Variants in NFXL1 observed in about 807,000 individuals in gnomAD.
NFXL1 encodes the protein nuclear transcription factor, X-box binding like 1, also known as NF-X1-type zinc finger protein NFXL1.
NFXL1 carries 66 observed loss-of-function variants against 123.3 expected under a neutral mutation model. The ratio of observed to expected loss-of-function variants is 0.54; its 90% CI spans 0.44 to 0.66. The LOEUF is 0.66. Among genes scored for constraint, NFXL1 ranks in the 30% least tolerant of loss-of-function variants. The pLI is 0.00. For synonymous variants in NFXL1, 346 were observed against 360.8 expected (o/e 0.96, Z 0.46); for missense variants, 944 against 1,125.6 (o/e 0.84, Z 2.31).
At chr4:47,858,174 T>C (rs1321327395) in intron 19 of NFXL1, among the ~76,000 whole-genome samples, 1 of 151,968 alleles carries the variant, frequency 6.6e-6, no homozygotes, top group Non-Finnish European at 1.5e-5. Flanking sequence ...AAAACCACAA[T>C]GAGATGCAAA....
intron 18 of NFXL1, among the ~76,000 whole-genome samples, chr4:47,873,641 TTTG>T (rs530293178): frequency 1.5e-3 from 223 of 152,350 alleles, no homozygotes; most frequent in African/African-American, 5.1e-3. Flanking sequence ...TCATCCAGGC[TTTG>T]TTGTTCCATT....
intron 12 of NFXL1, among the ~76,000 whole-genome samples, chr4:47,889,727 G>A (rs1736654564): frequency 6.6e-6 from 1 of 152,142 alleles, no homozygotes; most frequent in African/African-American, 2.4e-5. Context: ...CCAAATGAGT[G>A]AAGTTAACTC....
Position 47,914,504 on chromosome 4 carries a change from C to A in NFXL1, c.-142G>T. Reference sequence around the variant, plus strand: ...GCCGGAGGAGAAGTCGAAACCGCCTCCTCAGCCTCTGCGGGAGCGTGGTAG... The same window carrying A: ...GCCGGAGGAGAAGTCGAAACCGCCTACTCAGCCTCTGCGGGAGCGTGGTAG... On this transcript the variant is annotated 5_prime_UTR_variant, in exon 1 of 23. Coordinates refer to ENST00000507489, the MANE Select transcript of NFXL1 (RefSeq NM_001278624.2). 2.9e-6 allele frequency: 1 copy of A among 339,248 alleles called. No individual in the cohort carries two copies. The highest frequency in any genetic ancestry group is 5.4e-6 in the Non-Finnish European group (1 of 185,092). The allele number at this position is 339,248 out of a possible 1,614,324, so 21.0% of individuals were successfully genotyped here. A position where few individuals can be genotyped will look rare whatever the true frequency, so the allele number is the denominator to read the frequency against.
At chr4:47,885,357 A>G (rs1159310913) in intron 14 of NFXL1, 141 bp downstream of exon 14, 1 of 629,644 alleles carries the variant, frequency 1.6e-6, no homozygotes, top group Non-Finnish European at 2.7e-6. Context: ...AACAAAATCA[A>G]GTCTTGATTA....
At chr4:47,912,836 A>C (rs1737905318) in intron 2 of NFXL1, among the ~76,000 whole-genome samples, 1 of 149,786 alleles carries the variant, frequency 6.7e-6, no homozygotes, top group Admixed American at 6.6e-5. Context: ...TACTAAAAAA[A>C]AAAAACCAAA....
chr4:47,911,919 G>A (rs1737846668), intron 2 of NFXL1, among the ~76,000 whole-genome samples: 1 of 152,158 alleles, frequency 6.6e-6, no homozygotes, highest in Admixed American at 6.5e-5. Context: ...CTGAGTTCAT[G>A]AATTCCCATC....
At chr4:47,891,087 A>C (rs1736736428) in intron 11 of NFXL1, among the ~76,000 whole-genome samples, 1 of 151,552 alleles carries the variant, frequency 6.6e-6, no homozygotes, top group South Asian at 2.1e-4. Context: ...TTCATTTGGC[A>C]GTTATTTATT....
At chr4:47,864,609 T>G (rs144187889) in intron 18 of NFXL1, among the ~76,000 whole-genome samples, 1 of 152,212 alleles carries the variant, frequency 6.6e-6, no homozygotes, top group African/African-American at 2.4e-5. Context: ...CAGTCACACT[T>G]CTACATGAGT....
At chr4:47,857,877 C>G (rs903939202) in intron 19 of NFXL1, among the ~76,000 whole-genome samples, 2 of 152,146 alleles carry the variant, frequency 1.3e-5, no homozygotes, top group African/African-American at 4.8e-5. Flanking sequence ...CTGTAAAGCC[C>G]CCTTAGGATG....
intron 15 of NFXL1, among the ~76,000 whole-genome samples, chr4:47,881,115 A>T (rs2110074431): frequency 6.6e-6 from 1 of 152,174 alleles, no homozygotes; most frequent in South Asian, 2.1e-4. Context: ...ATGGATATCT[A>T]TAGATATAGA....
intron 5 of NFXL1, among the ~76,000 whole-genome samples, chr4:47,901,458 G>A (rs1031441485): frequency 6.6e-6 from 1 of 152,052 alleles, no homozygotes; most frequent in Non-Finnish European, 1.5e-5. Flanking sequence ...TGAGAAGAGC[G>A]AGGGTAAAAA....
At position 47,914,578 on chromosome 4, in the gene NFXL1, A is replaced by C. The variant is rs562097187; in HGVS notation, c.-216T>G. On this transcript the variant is annotated 5_prime_UTR_variant, in exon 1 of 23. Transcript: ENST00000507489. The stretch of plus-strand genomic sequence containing the variant: ...GCGTCTCCCGCCGGGAACCAACTGC[A>C]GTGGTACACCCCACGGAAAGCTACG... 4.9e-6 allele frequency: 1 copy of C among 204,092 alleles called. No individual in the cohort carries two copies. Among genetic ancestry groups the C allele is most frequent in the Admixed American group, 5.9e-5 (1 of 17,084 alleles). 12.6% of individuals were successfully genotyped at this position (204,092 alleles called of 1,614,324 possible). A position where few individuals can be genotyped will look rare whatever the true frequency, so the allele number is the denominator to read the frequency against.
chr4:47,861,283 A>G lies in NFXL1; in HGVS notation c.2316+1563T>C, dbSNP rs149283416. 1.7e-4 allele frequency among the ~76,000 whole-genome samples: 26 copies of G among 152,350 alleles called. No individual in the cohort carries two copies. In the East Asian group the frequency reaches 3.1e-3, roughly 18 times the overall value. On this transcript the variant is annotated intron_variant, in intron 19 of 22. Transcript: ENST00000507489. ...ACGAAAATGAGTTCTACTAGACACA[A>G]TGAAATTCACCTGTCTACTCTTAGA... is the stretch of plus-strand genomic sequence containing the variant.
chr4:47,872,240 G>A (rs1465427283), intron 18 of NFXL1, among the ~76,000 whole-genome samples: 1 of 152,124 alleles, frequency 6.6e-6, no homozygotes, highest in Non-Finnish European at 1.5e-5. Context: ...AAGGTGGGTG[G>A]ATCACGAGGT....
At position 47,914,028 on chromosome 4, in the gene NFXL1, G is replaced by A; in HGVS notation, c.176C>T (p.Ala59Val). 2 of 1,548,880 alleles carry A rather than the reference G, an allele frequency of 1.3e-6. No individual in the cohort carries two copies. Among genetic ancestry groups the A allele is most frequent in the Non-Finnish European group, 1.7e-6 (2 of 1,146,924 alleles). ...TSPGGVATTA[A>V]AGSRHSPAGS... ...TGCGGGGCTGTGCCTGCTCCCTGCA[G>A]CCGCCGTGGTCGCGACTCCTCCGGG... is the stretch of plus-strand genomic sequence containing the variant. The change falls in exon 2 of 23, where the codon GCT becomes GTT. Residue 59 changes from alanine (A) to valine (V), a missense_variant. Ala to Val is a moderately conservative substitution (Grantham distance 64, BLOSUM62 0). Coordinates refer to ENST00000507489, the MANE Select transcript of NFXL1 (RefSeq NM_001278624.2).
chr4:47,857,156 T>C (rs1701832376), intron 19 of NFXL1, among the ~76,000 whole-genome samples: 2 of 152,200 alleles, frequency 1.3e-5, no homozygotes, highest in Admixed American at 6.5e-5. Context: ...CTTACATACA[T>C]AGAATGTGTA....
chr4:47,884,454 T>C lies in NFXL1; in HGVS notation c.1825-17A>G, dbSNP rs748959700. 2.1e-5 allele frequency: 31 copies of C among 1,464,616 alleles called. No homozygotes were observed. The highest frequency in any genetic ancestry group is 9.1e-5 in the East Asian group (4 of 44,024). 90.7% of individuals were successfully genotyped at this position (1,464,616 alleles called of 1,614,324 possible). A position where few individuals can be genotyped will look rare whatever the true frequency, so the allele number is the denominator to read the frequency against. ...AGGCTGGTGCTACAAATAAAATACA[T>C]AAGAATTTTAAGTCAGAGGGATTAA... On this transcript the variant is annotated splice_polypyrimidine_tract_variant and intron_variant, in intron 14 of 22. Coordinates refer to ENST00000507489, the MANE Select transcript of NFXL1 (RefSeq NM_001278624.2).
intron 2 of NFXL1, 53 bp from the exon 3 acceptor site, chr4:47,911,047 A>T: frequency 2.8e-6 from 3 of 1,087,946 alleles, no homozygotes; most frequent in Non-Finnish European, 4.0e-6. Context: ...CAAAAAGAAA[A>T]GCATAATGTG....
At chr4:47,898,164 A>C in intron 8 of NFXL1, 83 bp from the exon 9 acceptor site, 1 of 748,592 alleles carries the variant, frequency 1.3e-6, no homozygotes, top group Middle Eastern at 2.5e-4. Context: ...TCCATTTTTC[A>C]ATCACAAATA....
Sources: allele counts gnomAD v4.1 joint callset (sites outside exome capture counted in the v4.1 genomes callset), GRCh38; gene constraint gnomAD v4.1.1; transcripts MANE v1.5; gene names NCBI Gene and HGNC (gene_info 2026-07-23, HGNC 2026-07-21).